CDH23: variants seen among roughly 807,000 people sequenced by gnomAD.
CDH23 encodes the protein cadherin-23.
Under a neutral mutation model 317.1 loss-of-function variants are expected in CDH23, and 189 were observed. The observed-to-expected ratio is 0.60, with a 90% CI of 0.53 to 0.67. The LOEUF (loss-of-function observed/expected upper bound fraction) is 0.67. Ranked by LOEUF, CDH23 falls within the 30% of genes least tolerant of loss-of-function variation. The probability of loss-of-function intolerance (pLI) is 0.00; values close to 1 mark genes in which losing one functional copy is unlikely to be tolerated. For missense variants in CDH23, 4,401 were observed against 4,592.4 expected (o/e 0.96, Z 1.20); for synonymous variants, 1,839 against 1,876.8 (o/e 0.98, Z 0.52).
At chr10:71,784,255 G>T (rs554958371) in intron 41 of CDH23, 32 bp from the exon 42 acceptor site, 4 of 1,601,352 alleles carry the variant, frequency 2.5e-6, no homozygotes, top group Non-Finnish European at 3.4e-6. Context: ...GCCAATGCCC[G>T]ACTAACTTGG....
At chr10:71,740,596 G>A (rs891170075) in intron 36 of CDH23, among the ~76,000 whole-genome samples, 3 of 152,182 alleles carry the variant, frequency 2.0e-5, no homozygotes, top group Admixed American at 6.5e-5. Context: ...GTCAGACGAC[G>A]ATTGGGCAAG....
chr10:71,745,570 G>T (rs1419413190), intron 38 of CDH23, among the ~76,000 whole-genome samples: 2 of 152,156 alleles, frequency 1.3e-5, no homozygotes, highest in Non-Finnish European at 2.9e-5. Flanking sequence ...GAGCTAGCAA[G>T]CAGGGGTCCT....
chr10:71,785,951 G>T (rs1258876300), intron 44 of CDH23, among the ~76,000 whole-genome samples: 1 of 152,190 alleles, frequency 6.6e-6, no homozygotes, highest in Non-Finnish European at 1.5e-5. Flanking sequence ...TCTGCAAAAT[G>T]AAGATCTCAC....
intron 6 of CDH23, among the ~76,000 whole-genome samples, chr10:71,549,410 G>A (rs1479187629): frequency 1.3e-5 from 2 of 152,256 alleles, no homozygotes; most frequent in African/African-American, 4.8e-5. Flanking sequence ...AGGGACTCCA[G>A]AGAGGGGTCA....
chr10:71,748,434 T>C (rs980882436), intron 38 of CDH23: 3 of 152,340 alleles, frequency 2.0e-5, no homozygotes. Flanking sequence ...TAGGGAGTGC[T>C]GAGCAGTCCC....
At chr10:71,403,166 C>A (rs1352885511) in intron 1 of CDH23, among the ~76,000 whole-genome samples, 1 of 151,966 alleles carries the variant, frequency 6.6e-6, no homozygotes, top group East Asian at 1.9e-4. Context: ...AAAAACAAAT[C>A]CAGCAGTCTG....
intron 37 of CDH23, among the ~76,000 whole-genome samples, chr10:71,741,363 C>G (rs1186249992): frequency 6.6e-6 from 1 of 152,140 alleles, no homozygotes; most frequent in African/African-American, 2.4e-5. Context: ...GGCCAGACTC[C>G]CTCACTTCAG....
intron 60 of CDH23, 95 bp from the exon 61 acceptor site, chr10:71,809,725 C>T: frequency 6.5e-7 from 1 of 1,527,278 alleles, no homozygotes; most frequent in Non-Finnish European, 8.8e-7. Flanking sequence ...GCCGCCTCCC[C>T]TAGATGTGCC....
chr10:71,793,627 G>A lies in CDH23; in HGVS notation c.6699G>A (p.Val2233=). ...CCAACCAGGAGGACGCCTTTGCTGT[G>A]AATATCAACACAGGTACAAGGGCCT... ...LVPNQEDAFA[V]NINTGSVMVK... is the part of the protein sequence containing the mutation. Residue 2233 remains valine (V), a synonymous_variant, in exon 48 of 70, where the codon GTG becomes GTA. Coordinates refer to ENST00000224721, the MANE Select transcript of CDH23 (RefSeq NM_022124.6). 3 of 1,589,734 alleles carry A rather than the reference G, an allele frequency of 1.9e-6. No individual in the cohort carries two copies. The South Asian group carries it at 3.5e-5, about 18-fold the overall frequency.
At chr10:71,423,020 T>C (rs1848884924) in intron 1 of CDH23, among the ~76,000 whole-genome samples, 2 of 152,224 alleles carry the variant, frequency 1.3e-5, no homozygotes, top group Admixed American at 1.3e-4. Flanking sequence ...TTTATGTTTT[T>C]ATATTTATAT....
chr10:71,583,666 C>T (rs971784067), intron 9 of CDH23, among the ~76,000 whole-genome samples: 12 of 152,172 alleles, frequency 7.9e-5, no homozygotes, highest in East Asian at 3.9e-4. Flanking sequence ...CGCCCACATC[C>T]GTTTCCCCAT....
At position 71,785,631 on chromosome 10, in the gene CDH23, A is replaced by G; in HGVS notation, c.5713A>G (p.Thr1905Ala). ...CAGCTCACCACCCTCCACATCCCAG[A>G]CAGGGATCGTCACTGTGAACCGGCC... ...RERAFFINAT[T>A]GIVTVNRPLD... is the part of the protein sequence containing the mutation. The change falls in exon 44 of 70, where the codon ACA becomes GCA. Residue 1905 changes from threonine (T) to alanine (A), a missense_variant and splice_region_variant. By Grantham distance (58) the Thr-to-Ala change is moderately conservative. Coordinates refer to ENST00000224721, the MANE Select transcript of CDH23 (RefSeq NM_022124.6). The G allele has an allele frequency of 6.3e-7, 1 of 1,584,444 alleles. No individual in the cohort carries two copies. The highest frequency in any genetic ancestry group is 8.6e-7 in the Non-Finnish European group (1 of 1,162,260).
chr10:71,793,916 A>T (rs1001450364), intron 48 of CDH23, among the ~76,000 whole-genome samples: 4 of 152,106 alleles, frequency 2.6e-5, no homozygotes, highest in African/African-American at 9.7e-5. Context: ...TCACCACATC[A>T]TGCCAGTATT....
At chr10:71,778,066 TA>T in intron 39 of CDH23, 122 bp from the exon 40 acceptor site, 12 of 1,473,078 alleles carry the variant, frequency 8.1e-6, no homozygotes, top group Non-Finnish European at 1.1e-5. Context: ...GAGCCTGGGC[TA>T]GGGGGTGGCA....
At position 71,732,455 on chromosome 10, in the gene CDH23, C is replaced by A. The variant is rs74147047; in HGVS notation, c.4104+80C>A. The A allele has an allele frequency of 2.2e-4, 341 of 1,526,404 alleles. 1 individual carries two copies. In the African/African-American group the frequency reaches 4.4e-3, roughly 20 times the overall value. The allele number at this position is 1,526,404 out of a possible 1,614,324, so 94.6% of individuals were successfully genotyped here. The stretch of plus-strand genomic sequence containing the variant: ...GAGCTCCTTCTGTGTGCACAGCACT[C>A]TCCTCTTTGTCATAAAATGTCCTTG... On this transcript the variant is annotated intron_variant, in intron 32 of 69. Transcript: ENST00000224721.
At position 71,687,691 on chromosome 10, in the gene CDH23, C is replaced by G. The variant is rs759239589; in HGVS notation, c.2031C>G (p.Phe677Leu). 1 of 1,613,876 alleles carries G rather than the reference C, an allele frequency of 6.2e-7. No homozygotes were observed. Among genetic ancestry groups the G allele is most frequent in the South Asian group, 1.1e-5 (1 of 91,062 alleles). The part of the protein sequence containing the change: ...NPPTFSKPAY[F>L]VSVVENIMAG... The stretch of plus-strand genomic sequence containing the variant: ...CCACCTTCAGCAAGCCCGCCTACTT[C>G]GTCTCCGTGGTGGAGAACATCATGG... Residue 677 changes from phenylalanine (F) to leucine (L), a missense_variant, in exon 19 of 70, where the codon TTC (phenylalanine) becomes TTG (leucine). Transcript: ENST00000224721.
intron 19 of CDH23, among the ~76,000 whole-genome samples, chr10:71,687,990 A>G (rs1175564768): frequency 1.3e-5 from 2 of 152,222 alleles, no homozygotes; most frequent in Admixed American, 1.3e-4. Context: ...TAGTGGGGAA[A>G]GAATAATGAT....
intron 11 of CDH23, among the ~76,000 whole-genome samples, chr10:71,627,074 A>G (rs1038037356): frequency 1.3e-5 from 2 of 152,128 alleles, no homozygotes; most frequent in African/African-American, 4.8e-5. Context: ...CACACAAAAC[A>G]GTGTCCACAC....
chr10:71,799,341 CAT>C (rs1841492758), intron 51 of CDH23, 61 bp downstream of exon 51: 1 of 1,609,838 alleles, frequency 6.2e-7, no homozygotes, highest in East Asian at 2.2e-5. Context: ...GGTCTTTGGG[CAT>C]CTTCCTCTCC....
Sources: gnomAD v4.1 joint callset for allele counts (sites outside exome capture counted in the v4.1 genomes callset) on GRCh38, gnomAD v4.1.1 for gene constraint, MANE v1.5 for transcripts, NCBI Gene and HGNC (gene_info 2026-07-23, HGNC 2026-07-21) for gene names.